The following CADM2 variants were observed in gnomAD, a reference collection of about 807,000 sequenced individuals.
CADM2 encodes the protein cell adhesion molecule 2.
A neutral mutation model predicts 49.8 loss-of-function variants in CADM2; 12 were observed. The observed-to-expected ratio is 0.24, with a 90% CI of 0.15 to 0.39. The LOEUF is 0.39. Among genes scored for constraint, CADM2 ranks in the 10% least tolerant of loss-of-function variants. CADM2 has a pLI of 1.00. For synonymous variants in CADM2, 214 were observed against 175.4 expected (o/e 1.22, Z -1.74); for missense variants, 378 against 492.3 (o/e 0.77, Z 2.20).
At chr3:85,305,418 T>G (rs1368634584) in intron 1 of CADM2, among the ~76,000 whole-genome samples, 3 of 151,714 alleles carry the variant, frequency 2.0e-5, no homozygotes, top group Non-Finnish European at 4.4e-5. Context: ...CATTTTCATA[T>G]GTACAGACAG....
chr3:85,749,544 C>T (rs536355294), intron 2 of CADM2, among the ~76,000 whole-genome samples: 2 of 151,794 alleles, frequency 1.3e-5, no homozygotes, highest in East Asian at 1.9e-4. Context: ...TGATACAACC[C>T]GGGATATATC....
At chr3:85,582,101 T>C (rs985329891) in intron 1 of CADM2, among the ~76,000 whole-genome samples, 1 of 152,026 alleles carries the variant, frequency 6.6e-6, no homozygotes, top group Non-Finnish European at 1.5e-5. Flanking sequence ...AATTTTTGTA[T>C]TTTTAGTAGA....
intron 1 of CADM2, among the ~76,000 whole-genome samples, chr3:85,659,098 TA>T (rs2065315006): frequency 7.6e-6 from 1 of 131,744 alleles, no homozygotes; most frequent in Admixed American, 7.7e-5. Context: ...ATAAATTTTT[TA>T]AAACTCTACT....
chr3:85,598,870 T>G (rs1050332610), intron 1 of CADM2, among the ~76,000 whole-genome samples: 2 of 151,708 alleles, frequency 1.3e-5, no homozygotes, highest in Admixed American at 6.6e-5. Context: ...TATATATATA[T>G]ATAGATTTAT....
intron 3 of CADM2, among the ~76,000 whole-genome samples, chr3:85,802,799 A>G (rs1160937074): frequency 1.3e-5 from 2 of 152,100 alleles, no homozygotes; most frequent in Non-Finnish European, 2.9e-5. Context: ...AAAAAAGGAA[A>G]TTCATCTTAC....
At chr3:85,336,955 A>AATATATATATTAAATATATATTTAAT (rs60373396) in intron 1 of CADM2, among the ~76,000 whole-genome samples, 5 of 89,888 alleles carry the variant, frequency 5.6e-5, no homozygotes, top group African/African-American at 1.1e-4. Flanking sequence ...ATATATATTT[A>AATATATATATTAAATATATATTTAAT]ATATATATAT....
intron 1 of CADM2, among the ~76,000 whole-genome samples, chr3:85,364,530 T>A (rs928953995): frequency 6.6e-6 from 1 of 152,176 alleles, no homozygotes; most frequent in Non-Finnish European, 1.5e-5. Flanking sequence ...TTCAGAGGGC[T>A]TCAGCATTTC....
chr3:85,148,008 A>G (rs2039804758), intron 1 of CADM2, among the ~76,000 whole-genome samples: 1 of 152,210 alleles, frequency 6.6e-6, no homozygotes, highest in Non-Finnish European at 1.5e-5. Flanking sequence ...TGTTGGAGCA[A>G]TGATCACACT....
At chr3:85,995,813 G>A (rs1194555359) in intron 8 of CADM2, among the ~76,000 whole-genome samples, 2 of 152,108 alleles carry the variant, frequency 1.3e-5, no homozygotes, top group Non-Finnish European at 1.5e-5. Flanking sequence ...ATACGGGGTG[G>A]GCACAGTGTC....
At chr3:85,201,587 A>G (rs2041502975) in intron 1 of CADM2, among the ~76,000 whole-genome samples, 1 of 152,200 alleles carries the variant, frequency 6.6e-6, no homozygotes. Context: ...TCTTTGCAGT[A>G]TGTGATGATG....
chr3:85,964,210 G>A (rs1725199803), intron 8 of CADM2, among the ~76,000 whole-genome samples: 1 of 151,830 alleles, frequency 6.6e-6, no homozygotes, highest in African/African-American at 2.4e-5. Context: ...GGAATGGAGT[G>A]ATAAGTGATC....
intron 1 of CADM2, among the ~76,000 whole-genome samples, chr3:85,374,774 T>C (rs1466016150): frequency 2.0e-5 from 3 of 152,042 alleles, no homozygotes; most frequent in Non-Finnish European, 4.4e-5. Flanking sequence ...CATCAGATCT[T>C]GTGAGACTTA....
chr3:85,677,243 C>G (rs2065911338), intron 1 of CADM2, among the ~76,000 whole-genome samples: 1 of 152,126 alleles, frequency 6.6e-6, no homozygotes, highest in Non-Finnish European at 1.5e-5. Context: ...CAACCTGAAT[C>G]ATTTGATAAG....
At chr3:85,983,946 A>G (rs1480544657) in intron 8 of CADM2, among the ~76,000 whole-genome samples, 1 of 150,752 alleles carries the variant, frequency 6.6e-6, no homozygotes, top group African/African-American at 2.4e-5. Flanking sequence ...AAATTGCGTA[A>G]TTTTTTACAG....
intron 1 of CADM2, among the ~76,000 whole-genome samples, chr3:85,141,051 G>T (rs970436394): frequency 2.6e-5 from 4 of 152,122 alleles, no homozygotes; most frequent in African/African-American, 9.7e-5. Flanking sequence ...ATATGTATTA[G>T]TAGCATTCAG....
intron 1 of CADM2, among the ~76,000 whole-genome samples, chr3:85,133,249 T>C (rs1369682377): frequency 6.6e-6 from 1 of 152,144 alleles, no homozygotes. Flanking sequence ...CCCCAGAGGT[T>C]TGCCACCACT....
intron 2 of CADM2, among the ~76,000 whole-genome samples, chr3:85,727,806 T>C (rs571602861): frequency 6.6e-6 from 1 of 152,042 alleles, no homozygotes; most frequent in Non-Finnish European, 1.5e-5. Flanking sequence ...GAGCTGGAAG[T>C]GGCTCTTGAA....
At chr3:85,156,352 A>G (rs909886923) in intron 1 of CADM2, among the ~76,000 whole-genome samples, 1 of 152,070 alleles carries the variant, frequency 6.6e-6, no homozygotes, top group African/African-American at 2.4e-5. Flanking sequence ...ACACCTCTAC[A>G]CAAATAAACT....
At chr3:85,264,901 C>T (rs561527644) in intron 1 of CADM2, among the ~76,000 whole-genome samples, 1 of 152,078 alleles carries the variant, frequency 6.6e-6, no homozygotes, top group South Asian at 2.1e-4. Context: ...CTATTTCAAG[C>T]CAATACCAGT....
Sources: allele counts gnomAD v4.1 joint callset (sites outside exome capture counted in the v4.1 genomes callset), GRCh38; gene constraint gnomAD v4.1.1; transcripts MANE v1.5; gene names NCBI Gene and HGNC (gene_info 2026-07-23, HGNC 2026-07-21).